The following MUSK variants were observed in gnomAD, a reference collection of about 807,000 sequenced individuals.
MUSK encodes the protein muscle associated receptor tyrosine kinase, also known as muscle, skeletal receptor tyrosine-protein kinase.
MUSK carries 55 observed loss-of-function variants against 88.7 expected under a neutral mutation model. The observed-to-expected ratio is 0.62, with a 90% CI of 0.50 to 0.78. The LOEUF (loss-of-function observed/expected upper bound fraction) is 0.78, where lower values mean the gene tolerates loss of function less well. Ranked by LOEUF, MUSK falls within the 30% of genes least tolerant of loss-of-function variation. The pLI, the probability that MUSK is intolerant of heterozygous loss-of-function variation, is 0.00. For synonymous variants in MUSK, 387 were observed against 391.9 expected, an observed-to-expected ratio of 0.99 and a Z score of 0.15; for missense variants, 1,015 against 1,074.3, an observed-to-expected ratio of 0.94 and a Z score of 0.77.
chr9:110,781,656 C>G (rs893335274), intron 11 of MUSK, among the ~76,000 whole-genome samples: 5 of 152,166 alleles, frequency 3.3e-5, no homozygotes. Flanking sequence ...ATTTATTTCT[C>G]ACAGTTCTGG....
intron 4 of MUSK, among the ~76,000 whole-genome samples, chr9:110,695,918 G>T (rs2076424765): frequency 6.6e-6 from 1 of 152,058 alleles, no homozygotes; most frequent in Non-Finnish European, 1.5e-5. Context: ...GGGAGACAAG[G>T]TTCGGAAGAA....
At chr9:110,778,967 A>C (rs1044021669) in intron 11 of MUSK, among the ~76,000 whole-genome samples, 1 of 152,108 alleles carries the variant, frequency 6.6e-6, no homozygotes, top group Non-Finnish European at 1.5e-5. Flanking sequence ...GTTAACATTT[A>C]AATGAATACA....
At chr9:110,780,545 G>T (rs974000405) in intron 11 of MUSK, among the ~76,000 whole-genome samples, 1 of 152,180 alleles carries the variant, frequency 6.6e-6, no homozygotes, top group African/African-American at 2.4e-5. Flanking sequence ...AAAGTGTCTT[G>T]GGAGACAGAA....
chr9:110,789,075 A>G (rs1247766367), intron 14 of MUSK, among the ~76,000 whole-genome samples: 1 of 152,186 alleles, frequency 6.6e-6, no homozygotes, highest in Admixed American at 6.5e-5. Flanking sequence ...TTGGCTTTTA[A>G]TCTAAGTTGG....
chr9:110,722,583 C>T (rs1473011902), intron 5 of MUSK, among the ~76,000 whole-genome samples: 1 of 151,192 alleles, frequency 6.6e-6, no homozygotes, highest in African/African-American at 2.4e-5. Flanking sequence ...TTCTGTACAG[C>T]AAAAGAAATA....
In MUSK at chr9:110,784,989, G is replaced by A; in HGVS notation, c.1559G>A (p.Arg520Lys). 1 of 1,613,622 alleles carries A rather than the reference G, an allele frequency of 6.2e-7. No individual in the cohort carries two copies. Among genetic ancestry groups the A allele is most frequent in the Non-Finnish European group, 8.5e-7 (1 of 1,179,770 alleles). The change falls in exon 12 of 15, where the codon AGA (arginine) becomes AAA (lysine). Residue 520 changes from arginine to lysine, a missense_variant. Physicochemically the swap from Arg to Lys is conservative, Grantham distance 26. Coordinates refer to ENST00000374448, the MANE Select transcript of MUSK (RefSeq NM_005592.4). ...ATAACTACTCTCTATTGCTGCCGAA[G>A]AAGAAAACAATGGAAAAATAAGAAA... ...LTITTLYCCR[R>K]RKQWKNKKRE...
chr9:110,790,326 A>G (rs1474998729), intron 14 of MUSK, among the ~76,000 whole-genome samples: 15 of 152,214 alleles, frequency 9.9e-5, no homozygotes, highest in Non-Finnish European at 4.4e-5. Context: ...GAGAAAAAGT[A>G]TAAACAACTT....
chr9:110,723,043 G>A (rs115938434), intron 5 of MUSK, among the ~76,000 whole-genome samples: 7,844 of 152,058 alleles, frequency 0.052, 492 homozygotes, highest in African/African-American at 0.14. Context: ...TGTACCCAGA[G>A]GAAAAGAAGT....
chr9:110,765,105 A>G (rs1472376450), intron 8 of MUSK, among the ~76,000 whole-genome samples: 2 of 152,154 alleles, frequency 1.3e-5, no homozygotes, highest in Non-Finnish European at 2.9e-5. Flanking sequence ...GTTTTGATGT[A>G]TAATTAAAGG....
At chr9:110,731,009 T>A (rs1365020722) in intron 5 of MUSK, among the ~76,000 whole-genome samples, 1 of 152,042 alleles carries the variant, frequency 6.6e-6, no homozygotes, top group Non-Finnish European at 1.5e-5. Flanking sequence ...GCTGGGAGAC[T>A]GATAGCTCAG....
At chr9:110,736,739 CA>C (rs1032010466) in intron 6 of MUSK, among the ~76,000 whole-genome samples, 2 of 151,998 alleles carry the variant, frequency 1.3e-5, no homozygotes, top group African/African-American at 4.8e-5. Context: ...ATAAAAATAT[CA>C]GGAACTATTT....
intron 5 of MUSK, among the ~76,000 whole-genome samples, chr9:110,717,699 C>G (rs1399888905): frequency 6.7e-6 from 1 of 149,880 alleles, no homozygotes; most frequent in Non-Finnish European, 1.5e-5. Flanking sequence ...CTATTTTACC[C>G]TGATCATTCA....
intron 11 of MUSK, among the ~76,000 whole-genome samples, chr9:110,783,456 T>G (rs1231604981): frequency 6.6e-6 from 1 of 152,096 alleles, no homozygotes; most frequent in African/African-American, 2.4e-5. Context: ...ATTTGGGGAT[T>G]AATATGTTCC....
At chr9:110,737,767 G>A (rs1288399147) in intron 6 of MUSK, among the ~76,000 whole-genome samples, 1 of 152,076 alleles carries the variant, frequency 6.6e-6, no homozygotes, top group African/African-American at 2.4e-5. Flanking sequence ...CCATTGAAAT[G>A]AATTTCTTTC....
intron 2 of MUSK, among the ~76,000 whole-genome samples, 173 bp downstream of exon 2, chr9:110,682,973 C>T (rs537278129): frequency 3.3e-5 from 5 of 152,164 alleles, no homozygotes; most frequent in Admixed American, 3.3e-4. Flanking sequence ...ATTTGAATTA[C>T]AAACAATCCA....
Position 110,669,747 on chromosome 9 carries a change from G to C in MUSK, c.79+764G>C, listed in dbSNP as rs1820081852. On this transcript the variant is annotated intron_variant, in intron 1 of 14. Coordinates refer to ENST00000374448, the MANE Select transcript of MUSK (RefSeq NM_005592.4). ...GGACTAGCGTATTTGAAATCAGAAA[G>C]ACTGGAAAGTCTGTGATTTGCAAAG... Among the ~76,000 whole-genome samples the C allele has an allele frequency of 2.0e-5, 3 of 152,262 alleles. No homozygotes were observed. The South Asian group carries it at 6.2e-4, about 32-fold the overall frequency.
At chr9:110,789,809 G>A (rs1468993506) in intron 14 of MUSK, among the ~76,000 whole-genome samples, 2 of 152,092 alleles carry the variant, frequency 1.3e-5, no homozygotes, top group African/African-American at 2.4e-5. Context: ...TTTTGGCGAT[G>A]CTTATTCAAC....
chr9:110,672,731 C>T (rs561512619), intron 1 of MUSK, among the ~76,000 whole-genome samples: 1 of 152,120 alleles, frequency 6.6e-6, no homozygotes, highest in Admixed American at 6.5e-5. Flanking sequence ...CCTAATTTTA[C>T]TAAAATAGAA....
intron 7 of MUSK, among the ~76,000 whole-genome samples, chr9:110,754,537 A>C (rs546602717): frequency 6.6e-6 from 1 of 152,284 alleles, no homozygotes; most frequent in East Asian, 1.9e-4. Context: ...ATAGAAGCTC[A>C]TTATCCCCTC....
Sources: gnomAD v4.1 joint callset for allele counts (sites outside exome capture counted in the v4.1 genomes callset) on GRCh38, gnomAD v4.1.1 for gene constraint, MANE v1.5 for transcripts, NCBI Gene and HGNC (gene_info 2026-07-23, HGNC 2026-07-21) for gene names.